The following AOAH variants were observed in gnomAD, a reference collection of about 807,000 sequenced individuals.
The protein encoded by AOAH is acyloxyacyl hydrolase.
In AOAH, 64 loss-of-function variants were observed where a neutral mutation model predicts 92.2. The ratio of observed to expected loss-of-function variants is 0.69; its 90% CI spans 0.57 to 0.86. The LOEUF (loss-of-function observed/expected upper bound fraction) is 0.86. AOAH is among the 40% of genes least tolerant of loss of function. AOAH has a pLI of 0.00. For missense variants in AOAH, 656 were observed against 694.6 expected (o/e 0.94, Z 0.62); for synonymous variants, 263 against 254.5 (o/e 1.03, Z -0.32).
intron 13 of AOAH, among the ~76,000 whole-genome samples, chr7:36,562,535 C>T (rs549348790): frequency 8.5e-5 from 13 of 152,152 alleles, no homozygotes; most frequent in South Asian, 2.1e-4. Flanking sequence ...TCTCCAATGA[C>T]GAGAAGAAAA....
rs112265406 is a variant in AOAH, at chr7:36,526,653, C to T, written c.1522+3765G>A. Among the ~76,000 whole-genome samples the T allele has an allele frequency of 1.1e-4, 16 of 152,284 alleles. 1 individual carries two copies. Among genetic ancestry groups the T allele is most frequent in the African/African-American group, 3.9e-4 (16 of 41,556 alleles). On this transcript the variant is annotated intron_variant, in intron 19 of 20. Coordinates refer to ENST00000617537, the MANE Select transcript of AOAH (RefSeq NM_001637.4). ...AGTTTCTTGAATGATCATGGATGAT[C>T]TGTGGAGATTTGGAGCATAATGTAT... is the stretch of plus-strand genomic sequence containing the variant.
Position 36,724,262 on chromosome 7 carries a change from C to G in AOAH, c.-114G>C, listed in dbSNP as rs1049491805. On this transcript the variant is annotated 5_prime_UTR_variant, in exon 1 of 21. Coordinates refer to ENST00000617537, the MANE Select transcript of AOAH (RefSeq NM_001637.4). ...TCTCTCTCCTTCTCTTCCTCACTCTCTTTGACACACACACCCCACCCTCTC... is the reference window on the plus strand; with the variant it reads ...TCTCTCTCCTTCTCTTCCTCACTCTGTTTGACACACACACCCCACCCTCTC... 1.5e-5 allele frequency: 18 copies of G among 1,230,248 alleles called. No individual in the cohort carries two copies. Among genetic ancestry groups the G allele is most frequent in the Non-Finnish European group, 2.1e-5 (18 of 862,530 alleles). 76.2% of individuals were successfully genotyped at this position (1,230,248 alleles called of 1,614,324 possible).
chr7:36,705,190 T>C (rs1459130909), intron 1 of AOAH, among the ~76,000 whole-genome samples: 1 of 152,066 alleles, frequency 6.6e-6, no homozygotes, highest in African/African-American at 2.4e-5. Flanking sequence ...AGAGAGAAAG[T>C]CAAATTATCT....
chr7:36,678,815 T>C (rs1359212623), intron 2 of AOAH, among the ~76,000 whole-genome samples: 4 of 152,140 alleles, frequency 2.6e-5, no homozygotes, highest in African/African-American at 9.7e-5. Flanking sequence ...AGCAGAAATA[T>C]GCAAAATCTC....
chr7:36,628,542 AG>A lies in AOAH; in HGVS notation c.521+3493del, dbSNP rs144155197. On this transcript the variant is annotated intron_variant, in intron 6 of 20. Transcript: ENST00000617537. ...TTATGGGTGATGTGGGAGACCAGCAAGGAAGCAGGGATTGAAGAATGGGATA... is the reference window on the plus strand; with the variant it reads ...TTATGGGTGATGTGGGAGACCAGCAAGAAGCAGGGATTGAAGAATGGGATA... 3.8e-3 allele frequency among the ~76,000 whole-genome samples: 578 copies of A among 152,258 alleles called. 4 individuals carry two copies. The highest frequency in any genetic ancestry group is 0.013 in the African/African-American group (546 of 41,550).
chr7:36,676,384 C>T (rs116714676), intron 2 of AOAH, among the ~76,000 whole-genome samples: 2,384 of 152,198 alleles, frequency 0.016, 59 homozygotes, highest in African/African-American at 0.054. Flanking sequence ...GAACTAAATT[C>T]TTAGGAACAA....
chr7:36,703,703 G>A, intron 1 of AOAH, among the ~76,000 whole-genome samples: 1 of 152,142 alleles, frequency 6.6e-6, no homozygotes, highest in East Asian at 1.9e-4. Context: ...CTTCATCCAT[G>A]TCCCTGCAAA....
chr7:36,549,894 G>A (rs1786076767), intron 13 of AOAH, among the ~76,000 whole-genome samples: 1 of 152,186 alleles, frequency 6.6e-6, no homozygotes, highest in African/African-American at 2.4e-5. Context: ...CCTCCTTGGA[G>A]AGCCCCATTT....
At position 36,546,353 on chromosome 7, in the gene AOAH, C is replaced by T. The variant is rs138666888; in HGVS notation, c.1133+2259G>A. On this transcript the variant is annotated intron_variant, in intron 15 of 20. Transcript: ENST00000617537. ...CCATTTGCTCATTTTGGGAAATCTA[C>T]TCCACCTTGACGTTCTGGCAGATGG... 7.7e-3 allele frequency among the ~76,000 whole-genome samples: 1,174 copies of T among 152,374 alleles called. 26 individuals carry two copies. The highest frequency in any genetic ancestry group is 0.027 in the African/African-American group (1,123 of 41,592).
At chr7:36,627,096 A>AT (rs1316040478) in intron 6 of AOAH, among the ~76,000 whole-genome samples, 1 of 152,222 alleles carries the variant, frequency 6.6e-6, no homozygotes, top group Non-Finnish European at 1.5e-5. Flanking sequence ...GCTGGGAATC[A>AT]TATTAGATAC....
chr7:36,517,470 C>T (rs1783853619), intron 20 of AOAH, among the ~76,000 whole-genome samples: 1 of 151,706 alleles, frequency 6.6e-6, no homozygotes, highest in East Asian at 1.9e-4. Flanking sequence ...TAAAGGAAAA[C>T]CTGTTCATTC....
At chr7:36,611,948 C>T (rs1386826371) in intron 11 of AOAH, among the ~76,000 whole-genome samples, 1 of 152,186 alleles carries the variant, frequency 6.6e-6, no homozygotes, top group Non-Finnish European at 1.5e-5. Flanking sequence ...AGTTGTATGA[C>T]CTTGGGCAGT....
At chr7:36,577,724 T>C (rs1392401895) in intron 12 of AOAH, among the ~76,000 whole-genome samples, 1 of 152,222 alleles carries the variant, frequency 6.6e-6, no homozygotes, top group East Asian at 1.9e-4. Flanking sequence ...TGTAATTAAA[T>C]GTTATGTTCT....
At chr7:36,640,986 G>A (rs1016685950) in intron 4 of AOAH, among the ~76,000 whole-genome samples, 1 of 152,172 alleles carries the variant, frequency 6.6e-6, no homozygotes, top group Admixed American at 6.5e-5. Flanking sequence ...CAGGTGCAAA[G>A]GACAATGGTT....
intron 6 of AOAH, among the ~76,000 whole-genome samples, chr7:36,630,099 G>A (rs141151309): frequency 1.2e-3 from 179 of 152,284 alleles, no homozygotes; most frequent in African/African-American, 4.2e-3. Flanking sequence ...AACGCCTCAC[G>A]GCCACCATTG....
At chr7:36,565,230 C>T (rs1032315311) in intron 13 of AOAH, among the ~76,000 whole-genome samples, 2 of 152,036 alleles carry the variant, frequency 1.3e-5, no homozygotes, top group Non-Finnish European at 2.9e-5. Flanking sequence ...GCTGTCACCA[C>T]TCTGTATCAA....
At chr7:36,722,401 A>T (rs1227261368) in intron 1 of AOAH, among the ~76,000 whole-genome samples, 1 of 152,188 alleles carries the variant, frequency 6.6e-6, no homozygotes, top group East Asian at 1.9e-4. Context: ...CCCAAACTCA[A>T]ACATTTAGTT....
intron 19 of AOAH, among the ~76,000 whole-genome samples, chr7:36,525,508 C>A (rs562654043): frequency 6.6e-6 from 1 of 152,208 alleles, no homozygotes; most frequent in East Asian, 1.9e-4. Flanking sequence ...AAAACTATGG[C>A]CCTTAGAGAA....
chr7:36,587,856 C>A (rs575473196), intron 12 of AOAH, among the ~76,000 whole-genome samples: 71 of 152,244 alleles, frequency 4.7e-4, no homozygotes, highest in African/African-American at 1.7e-3. Context: ...ACTACAAGCT[C>A]ATTTCATTCA....
Sources: allele counts gnomAD v4.1 joint callset (sites outside exome capture counted in the v4.1 genomes callset), GRCh38; gene constraint gnomAD v4.1.1; transcripts MANE v1.5; gene names NCBI Gene and HGNC (gene_info 2026-07-23, HGNC 2026-07-21).